The following MACF1 variants were observed in gnomAD, a reference collection of about 807,000 sequenced individuals.
The protein encoded by MACF1 is microtubule actin crosslinking factor 1.
In MACF1, 193 loss-of-function variants were observed where a neutral mutation model predicts 854.8. That is an observed-to-expected ratio of 0.23 (90% confidence interval 0.20 to 0.25). The LOEUF (loss-of-function observed/expected upper bound fraction) is 0.25, where lower values mean the gene tolerates loss of function less well. Among genes scored for constraint, MACF1 ranks in the 10% least tolerant of loss-of-function variants. The pLI, the probability that MACF1 is intolerant of heterozygous loss-of-function variation, is 1.00. For synonymous variants in MACF1, 3,185 were observed against 3,226.7 expected (o/e 0.99, Z 0.44); for missense variants, 7,722 against 8,929.1 (o/e 0.86, Z 5.45).
intron 58 of MACF1, among the ~76,000 whole-genome samples, chr1:39,417,364 A>G (rs1320148964): frequency 6.6e-6 from 1 of 152,182 alleles, no homozygotes. Flanking sequence ...AACCTTTTGT[A>G]TAAAATAAGG....
intron 79 of MACF1, among the ~76,000 whole-genome samples, chr1:39,443,947 G>C (rs1217426141): frequency 6.6e-6 from 1 of 152,180 alleles, no homozygotes; most frequent in Non-Finnish European, 1.5e-5. Flanking sequence ...AAGAATGCAT[G>C]CTAGAACAAA....
chr1:39,450,148 C>T (rs1234202949), intron 84 of MACF1, among the ~76,000 whole-genome samples: 1 of 152,092 alleles, frequency 6.6e-6, no homozygotes, highest in Admixed American at 6.6e-5. Flanking sequence ...AGGTGTCAGC[C>T]ACCACGCCCA....
chr1:39,251,244 G>A lies in MACF1; in HGVS notation c.262-602G>A, dbSNP rs11803503. ...CTAAAATTGACAGAAGCTTTTATTA[G>A]CATAGCCGGCACATTTAATTTCTAG... On this transcript the variant is annotated intron_variant, in intron 3 of 100. Transcript: ENST00000564288. Among the ~76,000 whole-genome samples, 982 of 151,982 alleles carry A rather than the reference G, an allele frequency of 6.5e-3. 11 individuals are homozygous for A. The highest frequency in any genetic ancestry group is 0.022 in the African/African-American group (930 of 41,432).
chr1:39,295,771 T>A lies in MACF1; in HGVS notation c.2260-16T>A. 1 of 1,597,252 alleles carries A rather than the reference T, an allele frequency of 6.3e-7. No individual in the cohort carries two copies. The highest frequency in any genetic ancestry group is 8.6e-7 in the Non-Finnish European group (1 of 1,166,476). On this transcript the variant is annotated splice_polypyrimidine_tract_variant and intron_variant, in intron 19 of 100. Transcript: ENST00000564288. ...TTAAACTCAAGCCCTTCTGTCTGTG[T>A]GCTTGTTTATTGCAGGCTTACAGTG...
intron 70 of MACF1, among the ~76,000 whole-genome samples, chr1:39,436,941 C>G (rs1186564425): frequency 6.6e-6 from 1 of 152,146 alleles, no homozygotes; most frequent in Non-Finnish European, 1.5e-5. Flanking sequence ...AACGTTTTTT[C>G]TCTCTTATTG....
chr1:39,358,007 T>C, intron 45 of MACF1, 114 bp downstream of exon 45: 3 of 1,106,952 alleles, frequency 2.7e-6, no homozygotes, highest in Non-Finnish European at 3.8e-6. Flanking sequence ...GAGAGCTGAT[T>C]TATACTTGGA....
At chr1:39,237,736 A>T (rs1281907462) in intron 2 of MACF1, among the ~76,000 whole-genome samples, 1 of 151,514 alleles carries the variant, frequency 6.6e-6, no homozygotes, top group African/African-American at 2.4e-5. Context: ...TTTTTTAGAC[A>T]ATACTGATAT....
chr1:39,350,883 A>G lies in MACF1; in HGVS notation c.11064A>G (p.Pro3688=). The G allele has an allele frequency of 2.5e-6, 4 of 1,614,132 alleles. No homozygotes were observed. Among genetic ancestry groups the G allele is most frequent in the Non-Finnish European group, 3.4e-6 (4 of 1,179,998 alleles). Reference sequence around the variant, plus strand: ...AAGAGAATCAGACCAAGCTGAGCCCACGTGAGTTGACAGCTCTTCGGGAAA... The same window carrying G: ...AAGAGAATCAGACCAAGCTGAGCCCGCGTGAGTTGACAGCTCTTCGGGAAA... ...FMEENQTKLS[P]RELTALREKL... is the part of the protein sequence containing the mutation. The change falls in exon 43 of 101, where the codon CCA becomes CCG. Residue 3688 remains proline, a synonymous_variant. Transcript: ENST00000564288.
intron 1 of MACF1, among the ~76,000 whole-genome samples, chr1:39,218,517 C>T (rs1158019036): frequency 6.6e-6 from 1 of 152,058 alleles, no homozygotes; most frequent in Non-Finnish European, 1.5e-5. Context: ...TTTGAGGACT[C>T]TTAAAACTCT....
At position 39,315,626 on chromosome 1, in the gene MACF1, A is replaced by G. The variant is rs1369468939; in HGVS notation, c.3384A>G (p.Ser1128=). Residue 1128 remains serine, a synonymous_variant, in exon 27 of 101, where the codon TCA becomes TCG. Transcript: ENST00000564288. ...GTTCAAGTGTCCCAACTCTGCGCTC[A>G]GAACTGAATCTGCTGGTGGAGAAGA... ...PSSSSVPTLR[S]ELNLLVEKMD... 6.2e-7 allele frequency: 1 copy of G among 1,614,172 alleles called. No homozygotes were observed.
Position 39,353,231 on chromosome 1 carries a change from G to T in MACF1, c.11424G>T (p.Lys3808Asn). 6.3e-7 allele frequency: 1 copy of T among 1,597,568 alleles called. No individual in the cohort carries two copies. Among genetic ancestry groups the T allele is most frequent in the Non-Finnish European group, 8.6e-7 (1 of 1,167,368 alleles). The change falls in exon 44 of 101, where the codon AAG becomes AAT. Residue 3808 changes from lysine (K) to asparagine (N), a missense_variant and splice_region_variant. Physicochemically the swap from Lys to Asn is moderately conservative, Grantham distance 94 (BLOSUM62 0). This residue lies in a region of MACF1 where 2,807 missense variants were observed against 3,235.8 expected (regional missense o/e 0.87). Coordinates refer to ENST00000564288, the MANE Select transcript of MACF1 (RefSeq NM_001394062.1). ...TGGACAAGCAATGTGAGATGATGAAGGTAAGGGTGTTAGCTTATCCTCACT... is the reference window on the plus strand; with the variant it reads ...TGGACAAGCAATGTGAGATGATGAATGTAAGGGTGTTAGCTTATCCTCACT... ...EKLDKQCEMMKARHQELLSQQ... is the reference protein window; with the variant it reads ...EKLDKQCEMMNARHQELLSQQ...
Position 39,332,426 on chromosome 1 carries a change from A to C in MACF1, c.5838A>C (p.Leu1946=), listed in dbSNP as rs773528202. The change falls in exon 37 of 101, where the codon CTA becomes CTC. Residue 1946 remains leucine (L), a synonymous_variant. Transcript: ENST00000564288. ...EQNINPGAAV[L]PCSKSHPKAT... Reference sequence around the variant, plus strand: ...ATATTAATCCTGGAGCAGCAGTTCTACCGTGCAGCAAGAGCCACCCTAAGG... The same window carrying C: ...ATATTAATCCTGGAGCAGCAGTTCTCCCGTGCAGCAAGAGCCACCCTAAGG... 5 of 1,613,940 alleles carry C rather than the reference A, an allele frequency of 3.1e-6. No individual in the cohort carries two copies. The highest frequency in any genetic ancestry group is 1.6e-4 in the Middle Eastern group (1 of 6,084).
intron 69 of MACF1, 47 bp from the exon 70 acceptor site, chr1:39,435,511 A>T: frequency 1.4e-6 from 2 of 1,449,300 alleles, no homozygotes; most frequent in Non-Finnish European, 1.9e-6. Context: ...TAAATACATA[A>T]ACTGGTATAA....
chr1:39,377,049 C>T (rs971994353), intron 52 of MACF1, among the ~76,000 whole-genome samples: 12 of 151,816 alleles, frequency 7.9e-5, no homozygotes, highest in Non-Finnish European at 1.5e-4. Context: ...CTTGCTCTGT[C>T]GCCCAGACTG....
intron 2 of MACF1, among the ~76,000 whole-genome samples, chr1:39,100,799 A>G (rs889957845): frequency 1.3e-5 from 2 of 152,032 alleles, no homozygotes; most frequent in Admixed American, 6.6e-5. Flanking sequence ...GGTTGCAGTG[A>G]GCCCAGACTG....
In MACF1 at chr1:39,173,036, AGT is replaced by A. The variant is rs200333778; in HGVS notation, c.221-58142_221-58141del. 8.7e-3 allele frequency among the ~76,000 whole-genome samples: 1,320 copies of A among 152,284 alleles called. 22 individuals are homozygous for A. Among genetic ancestry groups the A allele is most frequent in the African/African-American group, 0.03 (1,249 of 41,548 alleles). On this transcript the variant is annotated intron_variant, in intron 2 of 93. Transcript: ENST00000361689. ...GGGCCACACACTGCTTACAAAACCCAGTGTGGAGTAGAAAAAGCACTGGAGGC... is the reference window on the plus strand; with the variant it reads ...GGGCCACACACTGCTTACAAAACCCAGTGGAGTAGAAAAAGCACTGGAGGC...
intron 2 of MACF1, among the ~76,000 whole-genome samples, chr1:39,131,542 A>T (rs1643006252): frequency 6.6e-6 from 1 of 151,942 alleles, no homozygotes; most frequent in Non-Finnish European, 1.5e-5. Flanking sequence ...CCTCCATAAG[A>T]CTGTGAGCAC....
At chr1:39,286,779 A>G (rs985578652) in intron 14 of MACF1, among the ~76,000 whole-genome samples, 1 of 152,014 alleles carries the variant, frequency 6.6e-6, no homozygotes, top group Non-Finnish European at 1.5e-5. Flanking sequence ...CCCCTAATCC[A>G]TTGTTTATTA....
intron 18 of MACF1, among the ~76,000 whole-genome samples, chr1:39,294,619 A>C (rs1341975764): frequency 6.6e-6 from 1 of 152,240 alleles, no homozygotes; most frequent in Non-Finnish European, 1.5e-5. Context: ...AGAGCTATTT[A>C]AATTGAGTCC....
Sources: gnomAD v4.1 joint callset for allele counts (sites outside exome capture counted in the v4.1 genomes callset) on GRCh38, gnomAD v4.1.1 for gene constraint, gnomAD v4.1.1 regional missense constraint, MANE v1.5 for transcripts, NCBI Gene and HGNC (gene_info 2026-07-23, HGNC 2026-07-21) for gene names.